DMD: variants seen among roughly 807,000 people sequenced by gnomAD.
The protein encoded by DMD is dystrophin.
Under a neutral mutation model 330.1 loss-of-function variants are expected in DMD, and 63 were observed. The observed-to-expected ratio is 0.19, with a 90% CI of 0.16 to 0.24. The LOEUF (loss-of-function observed/expected upper bound fraction) is 0.24, where lower values mean the gene tolerates loss of function less well. Among genes scored for constraint, DMD ranks in the 10% least tolerant of loss-of-function variants. The pLI, the probability that DMD is intolerant of heterozygous loss-of-function variation, is 1.00. For missense variants in DMD, 3,344 were observed against 2,684.1 expected, an observed-to-expected ratio of 1.25 and a Z score of -5.43; for synonymous variants, 1,223 against 959.8, an observed-to-expected ratio of 1.27 and a Z score of -5.07.
chrX:32,756,373 T>C (rs1254468073), intron 7 of DMD: 1 of 111,821 alleles, frequency 8.9e-6, no homozygotes, highest in East Asian at 2.8e-4. Context: ...TACCCAAAGC[T>C]AAATGTGAAT....
chrX:32,749,953 T>A (rs754669976), intron 7 of DMD, among the ~76,000 whole-genome samples: 1 of 112,475 alleles, frequency 8.9e-6, no homozygotes, highest in Non-Finnish European at 1.9e-5. Flanking sequence ...TATTAAGACA[T>A]AGGTAGTTAT....
chrX:33,311,559 C>T (rs938907905), intron 1 of DMD, among the ~76,000 whole-genome samples: 2 of 110,442 alleles, frequency 1.8e-5, no homozygotes, highest in Admixed American at 9.8e-5. Context: ...ACATTACTTA[C>T]GAATACTAAA....
intron 1 of DMD, among the ~76,000 whole-genome samples, chrX:33,056,636 AC>A (rs1172419652): frequency 9.0e-6 from 1 of 110,768 alleles, no homozygotes; most frequent in Non-Finnish European, 1.9e-5. Flanking sequence ...TGCTGGGATT[AC>A]AGGTGTGAGC....
chrX:31,666,354 G>A (rs1303802238), intron 53 of DMD, among the ~76,000 whole-genome samples: 1 of 111,814 alleles, frequency 8.9e-6, no homozygotes, highest in Non-Finnish European at 1.9e-5. Flanking sequence ...ATGAAAGAAT[G>A]TACCAAGATG....
intron 62 of DMD, among the ~76,000 whole-genome samples, chrX:31,295,972 C>T (rs2054151267): frequency 1.2e-5 from 1 of 85,085 alleles, no homozygotes; most frequent in African/African-American, 4.0e-5. Context: ...AAGAAACAAT[C>T]CAAAAAGTGA....
chrX:31,942,093 G>C (rs766373708), intron 45 of DMD, among the ~76,000 whole-genome samples: 2 of 111,746 alleles, frequency 1.8e-5, no homozygotes, highest in Non-Finnish European at 3.8e-5. Flanking sequence ...TAAGTTCTTT[G>C]AGAAATTTTC....
intron 44 of DMD, among the ~76,000 whole-genome samples, chrX:32,077,376 T>A (rs1310813519): frequency 2.7e-5 from 3 of 111,602 alleles, no homozygotes; most frequent in African/African-American, 9.8e-5. Flanking sequence ...ATCCTATAAT[T>A]GTTATCTTAT....
intron 41 of DMD, among the ~76,000 whole-genome samples, chrX:32,335,292 C>T (rs748256921): frequency 9.3e-6 from 1 of 108,045 alleles, no homozygotes; most frequent in African/African-American, 3.4e-5. Flanking sequence ...ACCTCTGTCT[C>T]CCAGTTTCAA....
At chrX:32,752,171 G>C (rs1376898439) in intron 7 of DMD, among the ~76,000 whole-genome samples, 2 of 111,572 alleles carry the variant, frequency 1.8e-5, no homozygotes, top group African/African-American at 3.3e-5. Flanking sequence ...ACCCCAGAAT[G>C]GTAGATCCAC....
intron 36 of DMD, 30 bp from the exon 37 acceptor site, chrX:32,362,988 G>C: frequency 8.5e-7 from 1 of 1,177,170 alleles, no homozygotes; most frequent in Admixed American, 2.3e-5. Context: ...GATAGGACTT[G>C]AAGTTAGTAA....
At chrX:31,178,294 A>G (rs2040763582) in intron 70 of DMD, 4 of 996,086 alleles carry the variant, frequency 4.0e-6, no homozygotes, top group Non-Finnish European at 5.1e-6. Flanking sequence ...ATGACCACAC[A>G]ATGAGATACA....
intron 7 of DMD, among the ~76,000 whole-genome samples, chrX:32,756,586 G>C (rs972267615): frequency 2.7e-5 from 3 of 110,476 alleles, no homozygotes; most frequent in Non-Finnish European, 3.8e-5. Context: ...AAAAATACAA[G>C]ATTAATCTCC....
At chrX:31,937,792 G>A (rs1193115121) in intron 45 of DMD, among the ~76,000 whole-genome samples, 1 of 111,967 alleles carries the variant, frequency 8.9e-6, no homozygotes, top group Non-Finnish European at 1.9e-5. Flanking sequence ...TAATGCTTAT[G>A]GGAGGATTTA....
chrX:31,138,329 T>A (rs1212515747), intron 76 of DMD, among the ~76,000 whole-genome samples: 2 of 111,497 alleles, frequency 1.8e-5, no homozygotes, highest in East Asian at 5.6e-4. Flanking sequence ...ATTTTGTGGT[T>A]ATTTGTTATG....
intron 12 of DMD, among the ~76,000 whole-genome samples, chrX:32,612,273 G>A (rs1050760403): frequency 9.0e-6 from 1 of 110,792 alleles, no homozygotes; most frequent in African/African-American, 3.3e-5. Flanking sequence ...GGGCAGCTCT[G>A]GTGGCACTAA....
intron 20 of DMD, among the ~76,000 whole-genome samples, chrX:32,485,661 A>T (rs1459456637): frequency 9.4e-6 from 1 of 106,426 alleles, no homozygotes; most frequent in Admixed American, 1.0e-4. Context: ...ACACCCAAAT[A>T]TAAAAATATA....
chrX:31,620,828 T>G (rs944940571), intron 55 of DMD, among the ~76,000 whole-genome samples: 2 of 111,887 alleles, frequency 1.8e-5, no homozygotes, highest in Admixed American at 1.9e-4. Flanking sequence ...TAGTATCACT[T>G]AATACCAATT....
At chrX:32,923,357 T>C (rs1287264485) in intron 2 of DMD, among the ~76,000 whole-genome samples, 2 of 110,439 alleles carry the variant, frequency 1.8e-5, no homozygotes, top group Non-Finnish European at 3.8e-5. Context: ...GGCCAGGAGT[T>C]CGAGACCAGC....
intron 47 of DMD, among the ~76,000 whole-genome samples, chrX:31,885,304 A>G (rs2094134588): frequency 9.0e-6 from 1 of 111,521 alleles, no homozygotes; most frequent in South Asian, 3.8e-4. Context: ...ACTTTCCAGT[A>G]TCTTTCAAAA....
Sources: allele counts gnomAD v4.1 joint callset (sites outside exome capture counted in the v4.1 genomes callset), GRCh38; gene constraint gnomAD v4.1.1; transcripts MANE v1.5; gene names NCBI Gene and HGNC (gene_info 2026-07-23, HGNC 2026-07-21).